The following DKK2 variants were observed in gnomAD, a reference collection of about 807,000 sequenced individuals.
DKK2 encodes the protein dickkopf Wnt signaling pathway inhibitor 2.
In DKK2, 11 loss-of-function variants were observed where a neutral mutation model predicts 28.1. That is an observed-to-expected ratio of 0.39 (90% CI 0.25 to 0.65). The LOEUF (loss-of-function observed/expected upper bound fraction) is 0.65. Among genes scored for constraint, DKK2 ranks in the 30% least tolerant of loss-of-function variants. DKK2 has a pLI of 0.47. For synonymous variants in DKK2, 135 were observed against 126.5 expected (o/e 1.07, Z -0.45); for missense variants, 326 against 335.5 (o/e 0.97, Z 0.22).
rs374327778 is a variant in DKK2 at position 107,022,661 on chromosome 4, C to T, written c.222+12709G>A. Among the ~76,000 whole-genome samples, 9 of 152,194 alleles carry T rather than the reference C, an allele frequency of 5.9e-5. 1 individual carries two copies. The highest frequency in any genetic ancestry group is 5.9e-4 in the Admixed American group (9 of 15,274). ...CAGATCAGATTTTCACATTAGAAAG[C>T]TCACTTTAGAAGTGGTGTAGATAAT... On this transcript the variant is annotated intron_variant, in intron 1 of 3. Transcript: ENST00000285311.
chr4:106,976,447 G>A (rs867780146), intron 1 of DKK2, among the ~76,000 whole-genome samples: 2 of 152,116 alleles, frequency 1.3e-5, no homozygotes, highest in African/African-American at 2.4e-5. Flanking sequence ...TATATATTTA[G>A]GATAGTTAGC....
chr4:107,005,159 G>A (rs1414868072), intron 1 of DKK2, among the ~76,000 whole-genome samples: 2 of 151,788 alleles, frequency 1.3e-5, no homozygotes, highest in Non-Finnish European at 1.5e-5. Context: ...TGGCTAACAC[G>A]GTGAAACCCG....
At chr4:106,951,343 A>G (rs1326932517) in intron 1 of DKK2, among the ~76,000 whole-genome samples, 1 of 152,186 alleles carries the variant, frequency 6.6e-6, no homozygotes, top group Admixed American at 6.6e-5. Flanking sequence ...GTATTTATTT[A>G]AAGGAAAAGA....
intron 1 of DKK2, among the ~76,000 whole-genome samples, chr4:106,976,297 T>A (rs1020091685): frequency 6.6e-6 from 1 of 152,220 alleles, no homozygotes; most frequent in African/African-American, 2.4e-5. Flanking sequence ...AATATCTTTG[T>A]TAATTTTCTG....
At chr4:106,959,770 T>C (rs1722658603) in intron 1 of DKK2, among the ~76,000 whole-genome samples, 1 of 152,138 alleles carries the variant, frequency 6.6e-6, no homozygotes, top group Non-Finnish European at 1.5e-5. Flanking sequence ...CAAATACTTT[T>C]TGCCCCTTGT....
At chr4:106,961,912 G>A (rs781768517) in intron 1 of DKK2, among the ~76,000 whole-genome samples, 3 of 152,190 alleles carry the variant, frequency 2.0e-5, no homozygotes, top group South Asian at 4.1e-4. Context: ...AATAAGTGCC[G>A]TAAGTGTTAG....
chr4:106,992,186 G>A lies in DKK2; in HGVS notation c.222+43184C>T, dbSNP rs183016386. ...GTGTTGCTAGACTGCCCTAAGCCCC[G>A]GAGTCACCATATTATTAGATGAAAG... On this transcript the variant is annotated intron_variant, in intron 1 of 3. Coordinates refer to ENST00000285311, the MANE Select transcript of DKK2 (RefSeq NM_014421.3). Among the ~76,000 whole-genome samples, 39 of 152,176 alleles carry A rather than the reference G, an allele frequency of 2.6e-4. No homozygotes were observed. The East Asian group carries it at 6.8e-3, about 26-fold the overall frequency.
intron 2 of DKK2, among the ~76,000 whole-genome samples, chr4:106,924,929 C>T (rs1724405003): frequency 6.6e-6 from 1 of 152,012 alleles, no homozygotes; most frequent in South Asian, 2.1e-4. Context: ...TGACCTTGGA[C>T]AAAACTGGGA....
intron 1 of DKK2, among the ~76,000 whole-genome samples, chr4:106,969,522 AAGG>A (rs1259591597): frequency 6.6e-6 from 1 of 152,078 alleles, no homozygotes. Flanking sequence ...TAGTATTTAA[AAGG>A]AGAAGAAGAG....
chr4:107,029,709 T>C (rs1373613499), intron 1 of DKK2, among the ~76,000 whole-genome samples: 1 of 152,170 alleles, frequency 6.6e-6, no homozygotes, highest in Non-Finnish European at 1.5e-5. Context: ...GAACTACCAC[T>C]TTGAGAAGTC....
chr4:107,021,272 C>T (rs967562149), intron 1 of DKK2, among the ~76,000 whole-genome samples: 2 of 151,954 alleles, frequency 1.3e-5, no homozygotes. Flanking sequence ...GCCAAATATT[C>T]TGAATGTGGT....
chr4:106,999,366 T>G (rs1723324192), intron 1 of DKK2, among the ~76,000 whole-genome samples: 1 of 152,244 alleles, frequency 6.6e-6, no homozygotes, highest in Non-Finnish European at 1.5e-5. Context: ...TTTCTTTTTT[T>G]GAGACGGAGT....
At chr4:106,954,159 A>G (rs1291881493) in intron 1 of DKK2, among the ~76,000 whole-genome samples, 1 of 152,216 alleles carries the variant, frequency 6.6e-6, no homozygotes, top group African/African-American at 2.4e-5. Context: ...CAGGATGGAA[A>G]GTTGTCTCCT....
intron 1 of DKK2, among the ~76,000 whole-genome samples, chr4:107,022,446 C>T (rs1319223377): frequency 6.6e-6 from 1 of 152,058 alleles, no homozygotes; most frequent in Non-Finnish European, 1.5e-5. Context: ...GATAGCCTGG[C>T]ACAGTGATTA....
At chr4:106,959,482 A>G (rs964736905) in intron 1 of DKK2, among the ~76,000 whole-genome samples, 9 of 152,034 alleles carry the variant, frequency 5.9e-5, no homozygotes, top group Non-Finnish European at 1.5e-5. Flanking sequence ...AAAAATAGGC[A>G]TGATTCTTCA....
rs771137309 is a variant in DKK2 at position 106,924,144 on chromosome 4, C to T, written c.590G>A (p.Arg197His). 5 of 1,613,938 alleles carry T rather than the reference C, an allele frequency of 3.1e-6. No homozygotes were observed. The highest frequency in any genetic ancestry group is 2.5e-6 in the Non-Finnish European group (3 of 1,179,908). ...TTTGCAGATTTTGGTCCAGAAATGA[C>T]GAGCACAGCAAAACCCTTCAATGCA... Reference protein sequence around the residue: ...SDCIEGFCCARHFWTKICKPV... With the variant: ...SDCIEGFCCAHHFWTKICKPV... The change falls in exon 4 of 4, where the codon CGT becomes CAT. Residue 197 changes from arginine to histidine, a missense_variant. Coordinates refer to ENST00000285311, the MANE Select transcript of DKK2 (RefSeq NM_014421.3).
chr4:107,021,717 T>A (rs1723694944), intron 1 of DKK2, among the ~76,000 whole-genome samples: 1 of 152,092 alleles, frequency 6.6e-6, no homozygotes, highest in Non-Finnish European at 1.5e-5. Flanking sequence ...AAAGTTAGAA[T>A]CAGACCTTCT....
At chr4:106,942,341 TA>T (rs1294054459) in intron 1 of DKK2, among the ~76,000 whole-genome samples, 1 of 152,086 alleles carries the variant, frequency 6.6e-6, no homozygotes, top group Non-Finnish European at 1.5e-5. Flanking sequence ...TGTTACCAGA[TA>T]AAAAAATGAA....
chr4:106,988,260 A>T (rs1723152425), intron 1 of DKK2, among the ~76,000 whole-genome samples: 1 of 152,242 alleles, frequency 6.6e-6, no homozygotes, highest in Admixed American at 6.5e-5. Context: ...AAACAGCTGA[A>T]CTCAGGCAGC....
Sources: gnomAD v4.1 joint callset for allele counts (sites outside exome capture counted in the v4.1 genomes callset) on GRCh38, gnomAD v4.1.1 for gene constraint, MANE v1.5 for transcripts, NCBI Gene and HGNC (gene_info 2026-07-23, HGNC 2026-07-21) for gene names.